Variants in PHLDB3 observed in about 807,000 individuals in gnomAD.
PHLDB3 encodes the protein pleckstrin homology-like domain family B member 3.
A neutral mutation model predicts 85.7 loss-of-function variants in PHLDB3; 86 were observed. The ratio of observed to expected loss-of-function variants is 1.00; its 90% CI spans 0.84 to 1.20. PHLDB3 has a LOEUF of 1.20. Among genes scored for constraint, PHLDB3 ranks in the 50% most tolerant of loss-of-function variants. The pLI, the probability that PHLDB3 is intolerant of heterozygous loss-of-function variation, is 0.00. For synonymous variants in PHLDB3, 376 were observed against 349.8 expected (o/e 1.07, Z -0.83); for missense variants, 995 against 873.0 (o/e 1.14, Z -1.76).
chr19:43,503,264 CCTGT>C (rs1465405016), intron 2 of PHLDB3, among the ~76,000 whole-genome samples: 1 of 147,062 alleles, frequency 6.8e-6, no homozygotes, highest in Non-Finnish European at 1.5e-5. Flanking sequence ...TGTAGTCTCT[CCTGT>C]CTGTCTATCT....
intron 6 of PHLDB3, 58 bp downstream of exon 6, chr19:43,497,060 G>C (rs2145939587): frequency 1.4e-6 from 2 of 1,382,266 alleles, no homozygotes; most frequent in Middle Eastern, 2.8e-4. Flanking sequence ...GGCAGGCACA[G>C]AGCAGGGGAG....
chr19:43,487,064 G>A lies in PHLDB3; in HGVS notation c.1209C>T (p.Ser403=), dbSNP rs751048707. ...SLPRKRGERG[S]QRGSPRPLSF... is the part of the protein sequence containing the mutation. ...ACAGAGGTCGGGGGGATCCTCTCTG[G>A]CTCCCCCTCTCCCCCCTTTTCCGGG... is the stretch of plus-strand genomic sequence containing the variant. Residue 403 remains serine, a synonymous_variant, in exon 10 of 16, where the codon AGC becomes AGT. Transcript: ENST00000292140. 3.2e-6 allele frequency: 5 copies of A among 1,579,674 alleles called. No individual in the cohort carries two copies. The highest frequency in any genetic ancestry group is 4.3e-6 in the Non-Finnish European group (5 of 1,163,848).
At chr19:43,502,310 T>C in intron 2 of PHLDB3, 27 bp from the exon 3 acceptor site, 1 of 1,534,164 alleles carries the variant, frequency 6.5e-7, no homozygotes. Context: ...CGTGGTTAAG[T>C]GGAGATGCCT....
chr19:43,503,229 CT>C (rs747460823), intron 2 of PHLDB3, among the ~76,000 whole-genome samples: 2 of 151,872 alleles, frequency 1.3e-5, no homozygotes, highest in East Asian at 3.9e-4. Flanking sequence ...CTCTGCATCT[CT>C]TACTCGTTTG....
chr19:43,488,090 G>C (rs765774372), intron 9 of PHLDB3, among the ~76,000 whole-genome samples: 1 of 151,686 alleles, frequency 6.6e-6, no homozygotes, highest in South Asian at 2.1e-4. Context: ...GGAGGCAAAG[G>C]TTCCAGTGAG....
rs748276487 is a variant in PHLDB3 at position 43,497,038 on chromosome 19, G to T, written c.825+80C>A. 39 of 1,332,322 alleles carry T rather than the reference G, an allele frequency of 2.9e-5. No individual in the cohort carries two copies. In the South Asian group the frequency reaches 7.7e-4, roughly 26 times the overall value. 82.5% of individuals were successfully genotyped at this position (1,332,322 alleles called of 1,614,324 possible). A position where few individuals can be genotyped will look rare whatever the true frequency, so the allele number is the denominator to read the frequency against. ...AAGAACATGACAGGCAGGAAACAAGGACAGAGAAAAAGGCAGGCACAGAGC... is the reference window on the plus strand; with the variant it reads ...AAGAACATGACAGGCAGGAAACAAGTACAGAGAAAAAGGCAGGCACAGAGC... On this transcript the variant is annotated intron_variant, in intron 6 of 15. Coordinates refer to ENST00000292140, the MANE Select transcript of PHLDB3 (RefSeq NM_198850.4).
chr19:43,490,275 TGG>T (rs1015326293), intron 9 of PHLDB3, among the ~76,000 whole-genome samples: 1 of 151,676 alleles, frequency 6.6e-6, no homozygotes, highest in Non-Finnish European at 1.5e-5. Flanking sequence ...AAGAAAATAA[TGG>T]GCCAGGCATG....
At chr19:43,476,666 AAAAG>A (rs1416557953) in intron 15 of PHLDB3, among the ~76,000 whole-genome samples, 1 of 152,078 alleles carries the variant, frequency 6.6e-6, no homozygotes, top group Non-Finnish European at 1.5e-5. Context: ...AAAAAAAAGA[AAAAG>A]AAACAAAGAA....
intron 12 of PHLDB3, 109 bp downstream of exon 12, chr19:43,486,500 G>C (rs1321269817): frequency 7.2e-7 from 1 of 1,380,168 alleles, no homozygotes; most frequent in Non-Finnish European, 9.8e-7. Flanking sequence ...GAGGGGCTGG[G>C]GGCCTGGACC....
At chr19:43,488,520 A>C (rs1971237499) in intron 9 of PHLDB3, among the ~76,000 whole-genome samples, 1 of 152,156 alleles carries the variant, frequency 6.6e-6, no homozygotes, top group Admixed American at 6.6e-5. Context: ...TAGGAAACCC[A>C]GATGCCCTCA....
At chr19:43,475,634 T>G in intron 15 of PHLDB3, 90 bp from the exon 16 acceptor site, 1 of 1,526,348 alleles carries the variant, frequency 6.6e-7, no homozygotes. Flanking sequence ...ATAGTCTGTG[T>G]GGCACTGGAC....
At chr19:43,501,506 C>T in intron 4 of PHLDB3, 1 of 797,756 alleles carries the variant, frequency 1.3e-6, no homozygotes, top group Non-Finnish European at 1.9e-6. Context: ...TTTTACACAC[C>T]CACATTTAAA....
chr19:43,501,968 A>G, intron 3 of PHLDB3, 97 bp from the exon 4 acceptor site: 1 of 1,485,172 alleles, frequency 6.7e-7, no homozygotes, highest in Non-Finnish European at 9.0e-7. Flanking sequence ...GATGGACTCC[A>G]GGGACCTGAA....
At chr19:43,501,942 C>T in intron 3 of PHLDB3, 71 bp from the exon 4 acceptor site, 1 of 1,497,778 alleles carries the variant, frequency 6.7e-7, no homozygotes, top group East Asian at 2.4e-5. Flanking sequence ...GCCTGAACTA[C>T]CGGATTCGAA....
chr19:43,504,410 T>C (rs1426671888), intron 1 of PHLDB3, 179 bp downstream of exon 1: 4 of 529,486 alleles, frequency 7.6e-6, no homozygotes, highest in Non-Finnish European at 1.0e-5. Flanking sequence ...CTCCCTCATC[T>C]CTAGGTGTCA....
Position 43,475,480 on chromosome 19 carries a change from G to A in PHLDB3, c.1853C>T (p.Pro618Leu), listed in dbSNP as rs372753592. The A allele has an allele frequency of 6.3e-5, 102 of 1,613,978 alleles. 1 individual carries two copies. The highest frequency in any genetic ancestry group is 2.8e-4 in the African/African-American group (21 of 75,050). The change falls in exon 16 of 16, where the codon CCG becomes CTG. Residue 618 changes from proline (P) to leucine (L), a missense_variant. By Grantham distance (98) the Pro-to-Leu change is moderately conservative. Coordinates refer to ENST00000292140, the MANE Select transcript of PHLDB3 (RefSeq NM_198850.4). ...CCAAATGCGCATGGCTTCGGGGCTC[G>A]GAGCCACCATGTAGAAAAGGCGTTC... Reference protein sequence around the residue: ...TYERLFYMVAPSPEAMRIWMD... With the variant: ...TYERLFYMVALSPEAMRIWMD...
At chr19:43,492,534 C>T (rs1373596970) in intron 9 of PHLDB3, among the ~76,000 whole-genome samples, 2 of 149,872 alleles carry the variant, frequency 1.3e-5, no homozygotes, top group Non-Finnish European at 2.9e-5. Context: ...GTATTCTTAA[C>T]AGTATTGCTT....
At chr19:43,485,049 A>G (rs892068674) in intron 13 of PHLDB3, among the ~76,000 whole-genome samples, 4 of 151,886 alleles carry the variant, frequency 2.6e-5, no homozygotes, top group African/African-American at 9.7e-5. Context: ...AAATATATAT[A>G]CCTAGTACAT....
In PHLDB3 at chr19:43,480,827, G is replaced by A. The variant is rs1030184943; in HGVS notation, c.1486-1234C>T. 2.6e-5 allele frequency among the ~76,000 whole-genome samples: 4 copies of A among 152,162 alleles called. 1 individual carries two copies. The highest frequency in any genetic ancestry group is 2.6e-4 in the Admixed American group (4 of 15,262). ...TGACAGAGCCAGGACTCACCAGGTA[G>A]AGTGGTCACCTCAGATGGTCATACA... On this transcript the variant is annotated intron_variant, in intron 13 of 15. Coordinates refer to ENST00000292140, the MANE Select transcript of PHLDB3 (RefSeq NM_198850.4).
Sources: allele counts gnomAD v4.1 joint callset (sites outside exome capture counted in the v4.1 genomes callset), GRCh38; gene constraint gnomAD v4.1.1; transcripts MANE v1.5; gene names NCBI Gene and HGNC (gene_info 2026-07-23, HGNC 2026-07-21).